The following ANKS1B variants were observed in gnomAD, a reference collection of about 807,000 sequenced individuals.
ANKS1B encodes the protein ankyrin repeat and sterile alpha motif domain-containing protein 1B.
ANKS1B carries 36 observed loss-of-function variants against 148.3 expected under a neutral mutation model. That is an observed-to-expected ratio of 0.24 (90% confidence interval 0.19 to 0.32). The LOEUF (loss-of-function observed/expected upper bound fraction) is 0.32. Among genes scored for constraint, ANKS1B ranks in the 10% least tolerant of loss-of-function variants. ANKS1B has a pLI of 1.00. For synonymous variants in ANKS1B, 542 were observed against 560.8 expected (o/e 0.97, Z 0.47); for missense variants, 1,157 against 1,542.6 (o/e 0.75, Z 4.19).
chr12:99,398,156 T>G (rs1306431693), intron 12 of ANKS1B, among the ~76,000 whole-genome samples: 2 of 152,142 alleles, frequency 1.3e-5, no homozygotes, highest in Non-Finnish European at 2.9e-5. Context: ...GATTTACATT[T>G]TATAAATATC....
At chr12:99,005,775 AACACAC>A (rs140449575) in intron 17 of ANKS1B, among the ~76,000 whole-genome samples, 1 of 151,232 alleles carries the variant, frequency 6.6e-6, no homozygotes, top group Non-Finnish European at 1.5e-5. Flanking sequence ...ACACAGATGG[AACACAC>A]ACACACACAC....
chr12:99,038,993 A>C lies in ANKS1B; in HGVS notation c.2778+14164T>G, dbSNP rs1330440436. Among the ~76,000 whole-genome samples the C allele has an allele frequency of 2.6e-5, 4 of 152,200 alleles. No homozygotes were observed. The East Asian group carries it at 7.7e-4, about 29-fold the overall frequency. ...GCTTATTGTCTTTGTCCAGCTCTAG[A>C]ATGTAAGTTCCATAAGAGCAGGAGC... On this transcript the variant is annotated intron_variant, in intron 17 of 26. Transcript: ENST00000683438.
intron 17 of ANKS1B, among the ~76,000 whole-genome samples, chr12:98,886,044 A>G (rs935314259): frequency 6.6e-5 from 10 of 152,010 alleles, no homozygotes; most frequent in Non-Finnish European, 1.2e-4. Context: ...GGAGGGAGGG[A>G]GAGAGAGAGA....
intron 16 of ANKS1B, among the ~76,000 whole-genome samples, chr12:99,080,471 TAGA>T (rs1163576136): frequency 2.0e-5 from 3 of 152,112 alleles, no homozygotes; most frequent in Non-Finnish European, 2.9e-5. Context: ...TGGAAAGCAT[TAGA>T]AGAAGAAATA....
chr12:99,287,521 T>C (rs947617084), intron 12 of ANKS1B, among the ~76,000 whole-genome samples: 5 of 152,042 alleles, frequency 3.3e-5, no homozygotes, highest in African/African-American at 1.2e-4. Context: ...CCCACAAGCA[T>C]TAAGACCATT....
At chr12:99,245,860 G>C (rs981459624) in intron 13 of ANKS1B, among the ~76,000 whole-genome samples, 1 of 152,096 alleles carries the variant, frequency 6.6e-6, no homozygotes, top group Non-Finnish European at 1.5e-5. Flanking sequence ...AAGATTCTAA[G>C]GAGCTCTTCT....
At chr12:98,850,789 G>GA (rs369271351) in intron 17 of ANKS1B, among the ~76,000 whole-genome samples, 8 of 9,034 alleles carry the variant, frequency 8.9e-4, no homozygotes, top group Non-Finnish European at 1.6e-3. Flanking sequence ...TTTTAAGATG[G>GA]AAAAAAAAAA....
At chr12:99,332,553 A>C (rs1162950259) in intron 12 of ANKS1B, among the ~76,000 whole-genome samples, 1 of 151,946 alleles carries the variant, frequency 6.6e-6, no homozygotes, top group Non-Finnish European at 1.5e-5. Context: ...AATGCAAAAA[A>C]GTGTCATGGT....
At chr12:99,712,136 C>A (rs1055891560) in intron 8 of ANKS1B, among the ~76,000 whole-genome samples, 2 of 152,106 alleles carry the variant, frequency 1.3e-5, no homozygotes, top group Admixed American at 1.3e-4. Context: ...CAAGTGGGAG[C>A]TGAATGATGA....
intron 15 of ANKS1B, among the ~76,000 whole-genome samples, chr12:99,105,851 A>G (rs2059098756): frequency 6.6e-6 from 1 of 151,794 alleles, no homozygotes; most frequent in South Asian, 2.1e-4. Context: ...GTAGAGACAG[A>G]GGGGTTAAGG....
chr12:99,611,052 T>G (rs948895325), intron 9 of ANKS1B, among the ~76,000 whole-genome samples: 3 of 152,092 alleles, frequency 2.0e-5, no homozygotes, highest in African/African-American at 7.2e-5. Flanking sequence ...TGGAGACACA[T>G]ATCATGACAT....
intron 8 of ANKS1B, among the ~76,000 whole-genome samples, chr12:99,662,476 T>C (rs963899011): frequency 1.2e-4 from 18 of 152,198 alleles, no homozygotes; most frequent in Non-Finnish European, 2.2e-4. Flanking sequence ...TTATCACATA[T>C]GTGTTGAAAA....
chr12:99,494,190 T>C (rs1471479225), intron 10 of ANKS1B, among the ~76,000 whole-genome samples: 2 of 152,158 alleles, frequency 1.3e-5, no homozygotes, highest in Non-Finnish European at 2.9e-5. Context: ...TTTGATTTTG[T>C]GACATCAAGG....
chr12:99,784,714 A>C (rs927393140), intron 4 of ANKS1B, among the ~76,000 whole-genome samples: 31 of 152,274 alleles, frequency 2.0e-4, no homozygotes, highest in Middle Eastern at 6.8e-3. Context: ...TAGAATTTCC[A>C]TTTCTAACAA....
chr12:99,556,605 C>T (rs1295359708), intron 9 of ANKS1B, among the ~76,000 whole-genome samples: 1 of 152,186 alleles, frequency 6.6e-6, no homozygotes, highest in Non-Finnish European at 1.5e-5. Flanking sequence ...CCTCTTAACA[C>T]TGCTTTAGCT....
chr12:99,551,105 C>A (rs1225895393), intron 9 of ANKS1B, among the ~76,000 whole-genome samples: 1 of 152,156 alleles, frequency 6.6e-6, no homozygotes, highest in Non-Finnish European at 1.5e-5. Context: ...AAGCACCTGA[C>A]AACAAATATG....
chr12:99,663,665 T>C (rs2098489495), intron 8 of ANKS1B, among the ~76,000 whole-genome samples: 1 of 152,058 alleles, frequency 6.6e-6, no homozygotes, highest in African/African-American at 2.4e-5. Context: ...ATCTGCACTC[T>C]GAAATGACGT....
At chr12:99,560,653 A>G (rs953420663) in intron 9 of ANKS1B, among the ~76,000 whole-genome samples, 1 of 152,136 alleles carries the variant, frequency 6.6e-6, no homozygotes, top group African/African-American at 2.4e-5. Context: ...CATTATATCT[A>G]TAAAAGCAAT....
chr12:99,508,862 G>A (rs1311867920), intron 9 of ANKS1B, among the ~76,000 whole-genome samples: 3 of 151,668 alleles, frequency 2.0e-5, no homozygotes, highest in South Asian at 2.1e-4. Flanking sequence ...AAGGTGTATC[G>A]TGTTTTACAG....
Sources: allele counts gnomAD v4.1 joint callset (sites outside exome capture counted in the v4.1 genomes callset), GRCh38; gene constraint gnomAD v4.1.1; transcripts MANE v1.5; gene names NCBI Gene and HGNC (gene_info 2026-07-23, HGNC 2026-07-21).